The following SLC30A6 variants were observed in gnomAD, a reference collection of about 807,000 sequenced individuals.
SLC30A6 encodes the protein zinc transporter 6.
A neutral mutation model predicts 63.0 loss-of-function variants in SLC30A6; 55 were observed. The ratio of observed to expected loss-of-function variants is 0.87; its 90% CI spans 0.70 to 1.09. The LOEUF is 1.09. SLC30A6 is among the 50% of genes least tolerant of loss of function. The probability of loss-of-function intolerance (pLI) is 0.00; values close to 1 mark genes in which losing one functional copy is unlikely to be tolerated. For missense variants in SLC30A6, 587 were observed against 549.2 expected (o/e 1.07, Z -0.69); for synonymous variants, 224 against 186.1 (o/e 1.20, Z -1.66).
intron 11 of SLC30A6, 112 bp from the exon 12 acceptor site, chr2:32,206,774 G>T: frequency 2.6e-6 from 2 of 780,256 alleles, no homozygotes; most frequent in Non-Finnish European, 4.5e-6. Context: ...TGATAGGACA[G>T]CTGTCAAAGC....
intron 13 of SLC30A6, among the ~76,000 whole-genome samples, chr2:32,218,000 C>CA (rs1418605901): frequency 6.6e-6 from 1 of 152,062 alleles, no homozygotes; most frequent in Non-Finnish European, 1.5e-5. Context: ...TGTGCCACCA[C>CA]GCCCAGCTAA....
chr2:32,195,211 G>A (rs1444896081), intron 8 of SLC30A6, among the ~76,000 whole-genome samples: 1 of 151,270 alleles, frequency 6.6e-6, no homozygotes, highest in Non-Finnish European at 1.5e-5. Context: ...GGGGTTACAG[G>A]AATGTGCCAC....
intron 13 of SLC30A6, among the ~76,000 whole-genome samples, chr2:32,213,224 C>T (rs1220776473): frequency 6.6e-6 from 1 of 151,608 alleles, no homozygotes; most frequent in Admixed American, 6.6e-5. Flanking sequence ...ACATTTTTAT[C>T]TGAACTTCTT....
chr2:32,218,860 C>G (rs1275436077), intron 13 of SLC30A6, among the ~76,000 whole-genome samples: 3 of 151,850 alleles, frequency 2.0e-5, no homozygotes, highest in Admixed American at 6.6e-5. Context: ...CTTGGCAGCT[C>G]TCCTCATTTA....
intron 13 of SLC30A6, among the ~76,000 whole-genome samples, chr2:32,210,653 G>A (rs573677110): frequency 7.3e-5 from 11 of 150,734 alleles, no homozygotes; most frequent in Non-Finnish European, 1.3e-4. Flanking sequence ...AAAAAAAACA[G>A]ATAGGGTTTG....
intron 4 of SLC30A6, among the ~76,000 whole-genome samples, chr2:32,178,545 C>T (rs1681998123): frequency 6.6e-6 from 1 of 152,134 alleles, no homozygotes; most frequent in South Asian, 2.1e-4. Context: ...TGGTGCCATA[C>T]ACCTGTAGTC....
chr2:32,167,948 C>A (rs1680829751), intron 1 of SLC30A6, among the ~76,000 whole-genome samples: 1 of 152,216 alleles, frequency 6.6e-6, no homozygotes, highest in African/African-American at 2.4e-5. Flanking sequence ...ACTTTCTAGA[C>A]TGTAAGCTCA....
intron 4 of SLC30A6, among the ~76,000 whole-genome samples, chr2:32,182,891 GAAC>G (rs1457423993): frequency 2.0e-5 from 3 of 152,020 alleles, no homozygotes; most frequent in African/African-American, 7.2e-5. Flanking sequence ...GTCATGTTAA[GAAC>G]ATACCAGTTC....
chr2:32,196,320 CA>C (rs946510943), intron 8 of SLC30A6, among the ~76,000 whole-genome samples: 15 of 143,054 alleles, frequency 1.0e-4, no homozygotes, highest in Admixed American at 2.1e-4. Flanking sequence ...CATCTCAAAA[CA>C]AAAAAAAAAG....
At chr2:32,218,236 C>T (rs1685873002) in intron 13 of SLC30A6, among the ~76,000 whole-genome samples, 1 of 152,080 alleles carries the variant, frequency 6.6e-6, no homozygotes, top group African/African-American at 2.4e-5. Flanking sequence ...GCTTGGGCAA[C>T]ACGGTGAGAC....
chr2:32,205,810 G>T (rs1371067035), intron 11 of SLC30A6, among the ~76,000 whole-genome samples: 1 of 151,530 alleles, frequency 6.6e-6, no homozygotes, highest in African/African-American at 2.4e-5. Flanking sequence ...TGGGACTACA[G>T]CCATGTGCCA....
At chr2:32,183,735 T>C (rs1682560064) in intron 4 of SLC30A6, among the ~76,000 whole-genome samples, 1 of 149,566 alleles carries the variant, frequency 6.7e-6, no homozygotes, top group Non-Finnish European at 1.5e-5. Context: ...GTAACTAACA[T>C]ATTTAACTGG....
At chr2:32,176,286 G>A (rs369514697) in intron 4 of SLC30A6, among the ~76,000 whole-genome samples, 4 of 152,160 alleles carry the variant, frequency 2.6e-5, no homozygotes, top group African/African-American at 9.7e-5. Flanking sequence ...TGCCTGTCAC[G>A]TTGGGAAAGC....
At chr2:32,202,188 C>G (rs1407850134) in intron 10 of SLC30A6, 1 of 797,068 alleles carries the variant, frequency 1.3e-6, no homozygotes, top group Non-Finnish European at 1.9e-6. Context: ...TAACATCTCT[C>G]TTTCCTGTTC....
intron 10 of SLC30A6, among the ~76,000 whole-genome samples, chr2:32,199,894 C>T (rs765634423): frequency 4.6e-5 from 7 of 152,062 alleles, no homozygotes; most frequent in Admixed American, 1.3e-4. Context: ...GCGGCTGGGT[C>T]GCCTGAGGTC....
At chr2:32,191,782 C>T (rs903921682) in intron 5 of SLC30A6, among the ~76,000 whole-genome samples, 2 of 151,730 alleles carry the variant, frequency 1.3e-5, no homozygotes, top group African/African-American at 2.4e-5. Flanking sequence ...CCCATCTACT[C>T]GGGAGGCTGA....
chr2:32,208,445 T>A (rs936268063), intron 12 of SLC30A6, among the ~76,000 whole-genome samples: 1 of 151,722 alleles, frequency 6.6e-6, no homozygotes, highest in Non-Finnish European at 1.5e-5. Context: ...GTTGTTTTTT[T>A]AAAATATATA....
chr2:32,199,545 T>C (rs1479110898), intron 10 of SLC30A6, among the ~76,000 whole-genome samples: 3 of 152,184 alleles, frequency 2.0e-5, no homozygotes, highest in Non-Finnish European at 2.9e-5. Flanking sequence ...AAGGATGTAT[T>C]TTTTCTTTGT....
At chr2:32,181,732 G>T (rs557262269) in intron 4 of SLC30A6, among the ~76,000 whole-genome samples, 1 of 152,044 alleles carries the variant, frequency 6.6e-6, no homozygotes, top group African/African-American at 2.4e-5. Context: ...GGTGGGCATG[G>T]TGGCGCACTT....
Sources: allele counts gnomAD v4.1 joint callset (sites outside exome capture counted in the v4.1 genomes callset), GRCh38; gene constraint gnomAD v4.1.1; transcripts MANE v1.5; gene names NCBI Gene and HGNC (gene_info 2026-07-23, HGNC 2026-07-21).